PALM2AKAP2: variants seen among roughly 807,000 people sequenced by gnomAD.
PALM2AKAP2 encodes PALM2-AKAP2 fusion protein.
In PALM2AKAP2, 37 loss-of-function variants were observed where a neutral mutation model predicts 71.5. The observed-to-expected ratio is 0.52, with a 90% CI of 0.40 to 0.68. The LOEUF is 0.68. Ranked by LOEUF, PALM2AKAP2 falls within the 30% of genes least tolerant of loss-of-function variation. The pLI, the probability that PALM2AKAP2 is intolerant of heterozygous loss-of-function variation, is 0.00. For synonymous variants in PALM2AKAP2, 468 were observed against 478.8 expected, an observed-to-expected ratio of 0.98 and a Z score of 0.29; for missense variants, 1,224 against 1,191.8, an observed-to-expected ratio of 1.03 and a Z score of -0.40.
In PALM2AKAP2 at chr9:110,092,904, A is replaced by AT. The variant is rs139076882; in HGVS notation, c.157-43221dup. 8.1e-3 allele frequency among the ~76,000 whole-genome samples: 1,226 copies of AT among 152,186 alleles called. 16 individuals carry two copies. The highest frequency in any genetic ancestry group is 0.028 in the African/African-American group (1,152 of 41,508). Reference sequence around the variant, plus strand: ...TCAGAATGGGGTCTCATGGGCTCTGATTGCTTCTCCTGCTCCTTATGACCC... The same window carrying AT: ...TCAGAATGGGGTCTCATGGGCTCTGATTTGCTTCTCCTGCTCCTTATGACCC... On this transcript the variant is annotated intron_variant, in intron 1 of 3. Transcript: ENST00000374525.
rs550057893 is a variant in PALM2AKAP2 at position 109,851,308 on chromosome 9, T to C, written c.46-16183T>C. ...GGTGAGGCCTGGGCTTGGTGCTTTTTGATGATCCTCAGGTGATCTTAATGG... is the reference window on the plus strand; with the variant it reads ...GGTGAGGCCTGGGCTTGGTGCTTTTCGATGATCCTCAGGTGATCTTAATGG... On this transcript the variant is annotated intron_variant, in intron 1 of 9. Transcript: ENST00000302798. Among the ~76,000 whole-genome samples, 175 of 152,286 alleles carry C rather than the reference T, an allele frequency of 1.1e-3. 1 individual carries two copies. The highest frequency in any genetic ancestry group is 3.9e-3 in the African/African-American group (163 of 41,552).
upstream of PALM2AKAP2, among the ~76,000 whole-genome samples, chr9:110,048,376 C>A (rs1833637135): frequency 6.6e-6 from 1 of 152,178 alleles, no homozygotes; most frequent in African/African-American, 2.4e-5. Context: ...TCCAAAGCCC[C>A]GTGCGCTAAC....
At chr9:109,676,994 T>G (rs1413015793) in intron 1 of PALM2AKAP2, among the ~76,000 whole-genome samples, 2 of 152,174 alleles carry the variant, frequency 1.3e-5, no homozygotes, top group African/African-American at 2.4e-5. Context: ...GAGATTCCCA[T>G]GAGTTGAGTG....
At chr9:109,641,180 T>C (rs879078511) in intron 1 of PALM2AKAP2, among the ~76,000 whole-genome samples, 1 of 152,220 alleles carries the variant, frequency 6.6e-6, no homozygotes, top group Non-Finnish European at 1.5e-5. Context: ...CTTCCGCTTA[T>C]CGGGGAGTTG....
intron 1 of PALM2AKAP2, among the ~76,000 whole-genome samples, chr9:109,744,738 T>C (rs370950599): frequency 6.6e-6 from 1 of 152,184 alleles, no homozygotes; most frequent in Admixed American, 6.5e-5. Context: ...GATGTTCTCA[T>C]AGTAACATCA....
chr9:110,048,462 C>A (rs1432360828), upstream of PALM2AKAP2: 5 of 514,808 alleles, frequency 9.7e-6, no homozygotes, highest in Middle Eastern at 1.0e-3. Context: ...TCCATCCCTC[C>A]GTCTTTCCCT....
At chr9:109,821,259 C>T (rs1484704872) in intron 1 of PALM2AKAP2, among the ~76,000 whole-genome samples, 1 of 152,108 alleles carries the variant, frequency 6.6e-6, no homozygotes, top group East Asian at 1.9e-4. Context: ...TGCAGCACAC[C>T]AACATGGCGC....
At chr9:110,017,223 A>G (rs1324898215) in intron 7 of PALM2AKAP2, among the ~76,000 whole-genome samples, 2 of 152,244 alleles carry the variant, frequency 1.3e-5, no homozygotes, top group Admixed American at 1.3e-4. Flanking sequence ...AAGAATATAC[A>G]GCATGGATTT....
chr9:109,960,851 A>G (rs950168492), intron 6 of PALM2AKAP2, among the ~76,000 whole-genome samples: 4 of 152,222 alleles, frequency 2.6e-5, no homozygotes, highest in Non-Finnish European at 5.9e-5. Context: ...CAGCAGAATC[A>G]TAGACAAATT....
At chr9:109,703,804 C>A (rs538980762) in intron 1 of PALM2AKAP2, among the ~76,000 whole-genome samples, 18 of 149,018 alleles carry the variant, frequency 1.2e-4, no homozygotes, top group Admixed American at 3.3e-4. Flanking sequence ...AAAAAATTAA[C>A]CTACTTGAGA....
chr9:110,143,596 A>G lies in PALM2AKAP2; in HGVS notation c.2569+5057A>G, dbSNP rs116413456. The stretch of plus-strand genomic sequence containing the variant: ...TCAAGACCTTTTCAAATGTCTTTTC[A>G]TATTGGGGTTGCCAACAGTTCTCAC... On this transcript the variant is annotated intron_variant, in intron 2 of 3. Coordinates refer to ENST00000374525, the Ensembl canonical transcript of PALM2AKAP2. Among the ~76,000 whole-genome samples, 340 of 152,320 alleles carry G rather than the reference A, an allele frequency of 2.2e-3. 2 individuals carry two copies. The highest frequency in any genetic ancestry group is 7.6e-3 in the African/African-American group (318 of 41,576).
At position 109,889,503 on chromosome 9, in the gene PALM2AKAP2, G is replaced by A. The variant is rs146410376; in HGVS notation, c.257+8822G>A. On this transcript the variant is annotated intron_variant, in intron 3 of 9. Transcript: ENST00000302798. The stretch of plus-strand genomic sequence containing the variant: ...CTTTGGGATGAAAGTTTTGTTCCCT[G>A]CAGCTCCTACCCTCTCTCTGGTCCC... Among the ~76,000 whole-genome samples, 301 of 152,244 alleles carry A rather than the reference G, an allele frequency of 2.0e-3. 1 individual carries two copies. The highest frequency in any genetic ancestry group is 6.5e-3 in the African/African-American group (268 of 41,548).
At chr9:110,095,319 A>C (rs1424849253) in intron 1 of PALM2AKAP2, among the ~76,000 whole-genome samples, 16 of 152,202 alleles carry the variant, frequency 1.1e-4, no homozygotes, top group Non-Finnish European at 7.3e-5. Flanking sequence ...TATATGATGC[A>C]GGATGGAAAC....
intron 3 of PALM2AKAP2, among the ~76,000 whole-genome samples, chr9:110,161,217 A>T (rs1398384184): frequency 6.6e-6 from 1 of 152,214 alleles, no homozygotes; most frequent in Non-Finnish European, 1.5e-5. Context: ...TAAGTGCTAC[A>T]TATAAGAAGC....
chr9:110,161,800 G>A (rs1456147845), intron 3 of PALM2AKAP2, among the ~76,000 whole-genome samples: 1 of 152,102 alleles, frequency 6.6e-6, no homozygotes, highest in Non-Finnish European at 1.5e-5. Context: ...GTACAGAGGG[G>A]AAGGAATCTT....
intron 2 of PALM2AKAP2, among the ~76,000 whole-genome samples, chr9:110,143,432 A>AAG (rs56190736): frequency 6.7e-6 from 1 of 149,592 alleles, no homozygotes; most frequent in Non-Finnish European, 1.5e-5. Context: ...AAAAAAAAAA[A>AAG]GGAGAGAGAG....
At chr9:109,935,375 A>G (rs989777148) in intron 6 of PALM2AKAP2, among the ~76,000 whole-genome samples, 7 of 152,226 alleles carry the variant, frequency 4.6e-5, no homozygotes, top group African/African-American at 1.7e-4. Context: ...TTGGCCCTCA[A>G]TAACCCTAAA....
chr9:109,852,408 T>C (rs1564180285), intron 1 of PALM2AKAP2, among the ~76,000 whole-genome samples: 1 of 152,214 alleles, frequency 6.6e-6, no homozygotes. Flanking sequence ...CCATGGTGTA[T>C]ATGTACCACA....
intron 1 of PALM2AKAP2, among the ~76,000 whole-genome samples, chr9:110,067,895 C>T (rs957547651): frequency 5.9e-5 from 9 of 152,084 alleles, no homozygotes; most frequent in African/African-American, 2.2e-4. Context: ...TCATTAAAAA[C>T]AAACATGAAA....
Sources: gnomAD v4.1 joint callset for allele counts (sites outside exome capture counted in the v4.1 genomes callset) on GRCh38, gnomAD v4.1.1 for gene constraint, MANE v1.5 for transcripts, NCBI Gene and HGNC (gene_info 2026-07-23, HGNC 2026-07-21) for gene names.